Variants in NCAPD3 observed in about 807,000 individuals in gnomAD.
NCAPD3 encodes condensin-2 complex subunit D3.
In NCAPD3, 105 loss-of-function variants were observed where a neutral mutation model predicts 182.9. That is an observed-to-expected ratio of 0.57 (90% CI 0.49 to 0.68). NCAPD3 has a LOEUF of 0.68. NCAPD3 is among the 30% of genes least tolerant of loss of function. The probability of loss-of-function intolerance (pLI) is 0.00; values close to 1 mark genes in which losing one functional copy is unlikely to be tolerated. For missense variants in NCAPD3, 1,944 were observed against 1,837.0 expected (o/e 1.06, Z -1.07); for synonymous variants, 815 against 679.9 (o/e 1.20, Z -3.09).
intron 8 of NCAPD3, 34 bp downstream of exon 8, chr11:134,206,565 G>A (rs1424775962): frequency 1.9e-6 from 3 of 1,611,716 alleles, no homozygotes; most frequent in Non-Finnish European, 1.7e-6. Context: ...GAGGGAGACT[G>A]ACAGGGTGAA....
At chr11:134,164,461 G>C (rs773046332) in intron 27 of NCAPD3, among the ~76,000 whole-genome samples, 1 of 152,254 alleles carries the variant, frequency 6.6e-6, no homozygotes, top group Non-Finnish European at 1.5e-5. Flanking sequence ...AAAGCCATCA[G>C]TAAGAAAGAA....
rs34931150 is a variant in NCAPD3, at chr11:134,185,906, C to CTT, written c.2046-382_2046-381dup. 963 of 138,306 alleles carry CTT rather than the reference C, an allele frequency of 7.0e-3. 17 individuals are homozygous for CTT. The highest frequency in any genetic ancestry group is 0.019 in the African/African-American group (698 of 36,632). 8.6% of individuals were successfully genotyped at this position (138,306 alleles called of 1,614,324 possible). On this transcript the variant is annotated intron_variant, in intron 16 of 34. Coordinates refer to ENST00000534548, the MANE Select transcript of NCAPD3 (RefSeq NM_015261.3). ...AGTGACAAAAATTAGTAACATTGTC[C>CTT]TTTTTTTTTTTTTTTTCTTGAGATG...
At chr11:134,155,616 G>A (rs1425125075) in intron 32 of NCAPD3, among the ~76,000 whole-genome samples, 3 of 152,144 alleles carry the variant, frequency 2.0e-5, no homozygotes, top group Non-Finnish European at 2.9e-5. Context: ...GAGCTGCTAG[G>A]AAACAACCCA....
rs534976948 is a variant in NCAPD3, at chr11:134,172,647, T to C, written c.3102-3593A>G. ...TACAATAATCTGCTTAGTACTTGGC[T>C]GTTGCCCTGTGATTACAAGGCCACC... is the stretch of plus-strand genomic sequence containing the variant. On this transcript the variant is annotated intron_variant, in intron 24 of 34. Transcript: ENST00000534548. Among the ~76,000 whole-genome samples, 6 of 152,302 alleles carry C rather than the reference T, an allele frequency of 3.9e-5. No individual in the cohort carries two copies. In the East Asian group the frequency reaches 9.7e-4, roughly 25 times the overall value.
At chr11:134,200,918 A>G (rs1944733957) in intron 13 of NCAPD3, among the ~76,000 whole-genome samples, 1 of 152,214 alleles carries the variant, frequency 6.6e-6, no homozygotes, top group African/African-American at 2.4e-5. Context: ...GTACTGATAG[A>G]TGCTATAACA....
intron 32 of NCAPD3, 77 bp from the exon 33 acceptor site, chr11:134,153,440 G>A (rs1943321273): frequency 1.3e-5 from 19 of 1,425,848 alleles, no homozygotes; most frequent in South Asian, 4.6e-5. Flanking sequence ...TCCGTGGGAC[G>A]TAGGCAGGGT....
intron 27 of NCAPD3, among the ~76,000 whole-genome samples, chr11:134,166,619 G>A (rs556717107): frequency 2.1e-5 from 1 of 47,382 alleles, no homozygotes; most frequent in East Asian, 7.6e-4. Flanking sequence ...GCTTGGAGAG[G>A]CACACTCACT....
intron 29 of NCAPD3, among the ~76,000 whole-genome samples, chr11:134,159,284 A>T (rs967111284): frequency 6.6e-6 from 1 of 152,228 alleles, no homozygotes; most frequent in Non-Finnish European, 1.5e-5. Context: ...CCAACAGTGT[A>T]CAAGCCATTC....
rs1315348185 is a variant in NCAPD3 at position 134,152,291 on chromosome 11, G to A, written c.*653C>T. The A allele has an allele frequency of 1.3e-5, 2 of 152,232 alleles. No homozygotes were observed. Among genetic ancestry groups the A allele is most frequent in the Non-Finnish European group, 2.9e-5 (2 of 68,044 alleles). 9.4% of individuals were successfully genotyped at this position (152,232 alleles called of 1,614,324 possible). On this transcript the variant is annotated 3_prime_UTR_variant, in exon 35 of 35. Transcript: ENST00000534548. ...AGCACACCGCCTCTGCCTGGGCACAGATGAACTGCCCTTCAAGACAATCAT... is the reference window on the plus strand; with the variant it reads ...AGCACACCGCCTCTGCCTGGGCACAAATGAACTGCCCTTCAAGACAATCAT...
In NCAPD3 at chr11:134,153,423, C is replaced by A; in HGVS notation, c.4253-60G>T. 3 of 1,556,364 alleles carry A rather than the reference C, an allele frequency of 1.9e-6. No individual in the cohort carries two copies. The South Asian group carries it at 3.3e-5, about 17-fold the overall frequency. The stretch of plus-strand genomic sequence containing the variant: ...GCGTGGTCTATCGGAGGTCTCTGTT[C>A]TAGTTGTCCGTGGGACGTAGGCAGG... On this transcript the variant is annotated intron_variant, in intron 32 of 34. Coordinates refer to ENST00000534548, the MANE Select transcript of NCAPD3 (RefSeq NM_015261.3).
intron 24 of NCAPD3, among the ~76,000 whole-genome samples, chr11:134,172,220 C>T (rs554660630): frequency 1.3e-5 from 2 of 152,168 alleles, no homozygotes; most frequent in Non-Finnish European, 2.9e-5. Flanking sequence ...CTCTCCATTC[C>T]AAATCCCCGC....
chr11:134,152,565 T>G lies in NCAPD3; in HGVS notation c.*379A>C, dbSNP rs1169281748. On this transcript the variant is annotated 3_prime_UTR_variant, in exon 35 of 35. Coordinates refer to ENST00000534548, the MANE Select transcript of NCAPD3 (RefSeq NM_015261.3). ...TTTCGTCATTACAGATGGGAAAATA[T>G]GTACTATAAGGAATTCAAGTTAACA... 6.0e-6 allele frequency: 1 copy of G among 165,484 alleles called. No homozygotes were observed. The highest frequency in any genetic ancestry group is 1.3e-5 in the Non-Finnish European group (1 of 77,448). 10.3% of individuals were successfully genotyped at this position (165,484 alleles called of 1,614,324 possible). A position where few individuals can be genotyped will look rare whatever the true frequency, so the allele number is the denominator to read the frequency against.
intron 27 of NCAPD3, 24 bp from the exon 28 acceptor site, chr11:134,161,915 T>C (rs1339399173): frequency 7.8e-7 from 1 of 1,288,892 alleles, no homozygotes; most frequent in African/African-American, 1.7e-5. Flanking sequence ...CAAAGACATG[T>C]TTTAGATGTA....
rs562476232 is a variant in NCAPD3, at chr11:134,176,006, T to G, written c.3101+301A>C. Among the ~76,000 whole-genome samples, 6 of 152,084 alleles carry G rather than the reference T, an allele frequency of 3.9e-5. No individual in the cohort carries two copies. In the South Asian group the frequency reaches 1.2e-3, roughly 32 times the overall value. ...TTCTAGTGGCTGCTACTCTATACAGTGTAATACAGCAAGCATATAATATTC... is the reference window on the plus strand; with the variant it reads ...TTCTAGTGGCTGCTACTCTATACAGGGTAATACAGCAAGCATATAATATTC... On this transcript the variant is annotated intron_variant, in intron 24 of 34. Coordinates refer to ENST00000534548, the MANE Select transcript of NCAPD3 (RefSeq NM_015261.3).
intron 7 of NCAPD3, among the ~76,000 whole-genome samples, chr11:134,208,244 A>C (rs998266986): frequency 5.3e-5 from 8 of 152,164 alleles, no homozygotes; most frequent in African/African-American, 1.9e-4. Context: ...ATTTTTTTGC[A>C]AAATCTTATT....
chr11:134,151,764 A>ATTCT lies in NCAPD3; in HGVS notation c.*1176_*1179dup, dbSNP rs1305430963. ...TTCAAAAAAACCCAAACATTGCTTC[A>ATTCT]TTCTTTGTTATTTGCTCTTACGTTG... On this transcript the variant is annotated 3_prime_UTR_variant, in exon 35 of 35. Coordinates refer to ENST00000534548, the MANE Select transcript of NCAPD3 (RefSeq NM_015261.3). The ATTCT allele has an allele frequency of 6.6e-6, 1 of 152,266 alleles. No individual in the cohort carries two copies. Among genetic ancestry groups the ATTCT allele is most frequent in the South Asian group, 2.1e-4 (1 of 4,816 alleles). The allele number at this position is 152,266 out of a possible 1,614,324, so 9.4% of individuals were successfully genotyped here. A position where few individuals can be genotyped will look rare whatever the true frequency, so the allele number is the denominator to read the frequency against.
chr11:134,170,007 T>A (rs1943968101), intron 24 of NCAPD3, among the ~76,000 whole-genome samples: 1 of 152,210 alleles, frequency 6.6e-6, no homozygotes, highest in Non-Finnish European at 1.5e-5. Context: ...TGGAGGGCAT[T>A]GGGACTGTGT....
rs763799820 is a variant in NCAPD3 at position 134,185,524 on chromosome 11, C to T, written c.2048G>A (p.Arg683Gln). The T allele has an allele frequency of 5.4e-5, 85 of 1,563,734 alleles. No homozygotes were observed. The Middle Eastern group carries it at 1.5e-3, about 28-fold the overall frequency. Reference protein sequence around the residue: ...LLTTESQELSRYLNKAFHIWS... With the variant: ...LLTTESQELSQYLNKAFHIWS... ...GATATGAAAAGCCTTATTTAAATAT[C>T]GGCTGGAAAAAAAAAAGATAGAAAA... Residue 683 changes from arginine (R) to glutamine (Q), a missense_variant and splice_region_variant, in exon 17 of 35, where the codon CGA becomes CAA. Coordinates refer to ENST00000534548, the MANE Select transcript of NCAPD3 (RefSeq NM_015261.3).
At chr11:134,215,886 C>T (rs1218336202) in intron 3 of NCAPD3, among the ~76,000 whole-genome samples, 5 of 152,130 alleles carry the variant, frequency 3.3e-5, no homozygotes, top group African/African-American at 4.8e-5. Flanking sequence ...TGTTAAGTAT[C>T]GACAGCATCC....
Sources: gnomAD v4.1 joint callset for allele counts (sites outside exome capture counted in the v4.1 genomes callset) on GRCh38, gnomAD v4.1.1 for gene constraint, MANE v1.5 for transcripts, NCBI Gene and HGNC (gene_info 2026-07-23, HGNC 2026-07-21) for gene names.